The following RARB variants were observed in gnomAD, a reference collection of about 807,000 sequenced individuals.
RARB encodes HBV-activated protein.
In RARB, 17 loss-of-function variants were observed where a neutral mutation model predicts 51.9. The observed-to-expected ratio is 0.33, with a 90% CI of 0.22 to 0.49. RARB has a LOEUF of 0.49. RARB is among the 20% of genes least tolerant of loss of function. The pLI, the probability that RARB is intolerant of heterozygous loss-of-function variation, is 0.99. For synonymous variants in RARB, 215 were observed against 195.4 expected, an observed-to-expected ratio of 1.10 and a Z score of -0.84; for missense variants, 369 against 550.8, an observed-to-expected ratio of 0.67 and a Z score of 3.30.
At chr3:24,843,760 C>T (rs1702449435) in intron 1 of RARB, among the ~76,000 whole-genome samples, 1 of 152,088 alleles carries the variant, frequency 6.6e-6, no homozygotes, top group Non-Finnish European at 1.5e-5. Flanking sequence ...AACAAGATAC[C>T]CAGGTAATTC....
At chr3:25,423,634 A>G (rs1434760896), upstream of RARB, among the ~76,000 whole-genome samples, 1 of 152,234 alleles carries the variant, frequency 6.6e-6, no homozygotes, top group African/African-American at 2.4e-5. Flanking sequence ...TTCACTTTAT[A>G]TCTTTTGGAC....
intron 3 of RARB, among the ~76,000 whole-genome samples, chr3:25,515,769 T>C (rs1698133656): frequency 6.6e-6 from 1 of 152,134 alleles, no homozygotes; most frequent in African/African-American, 2.4e-5. Context: ...AGGTATTGAC[T>C]CAAAAGAGCC....
chr3:25,055,397 C>T (rs2125301503), intron 2 of RARB, among the ~76,000 whole-genome samples: 2 of 152,202 alleles, frequency 1.3e-5, no homozygotes, highest in Middle Eastern at 6.8e-3. Flanking sequence ...GCATCATTGT[C>T]TAACTGATTT....
intron 2 of RARB, among the ~76,000 whole-genome samples, chr3:25,491,392 G>T (rs1304817996): frequency 6.6e-6 from 1 of 152,076 alleles, no homozygotes; most frequent in Non-Finnish European, 1.5e-5. Context: ...TTTCTCAGAG[G>T]CATCCCAAGG....
intron 5 of RARB, among the ~76,000 whole-genome samples, chr3:25,406,850 C>A (rs1377830184): frequency 6.6e-6 from 1 of 152,128 alleles, no homozygotes; most frequent in Non-Finnish European, 1.5e-5. Flanking sequence ...ATTGCCTCAA[C>A]CCAGGGTGAA....
At chr3:24,957,202 C>T (rs1000978350) in intron 2 of RARB, among the ~76,000 whole-genome samples, 1 of 152,130 alleles carries the variant, frequency 6.6e-6, no homozygotes, top group Non-Finnish European at 1.5e-5. Flanking sequence ...ACCACAGAAT[C>T]CAACACAGAA....
At chr3:25,315,008 C>T (rs974432353) in intron 5 of RARB, among the ~76,000 whole-genome samples, 8 of 152,228 alleles carry the variant, frequency 5.3e-5, no homozygotes, top group African/African-American at 1.7e-4. Context: ...CCTCCAGCTA[C>T]ATCCATGTTG....
At chr3:25,568,220 A>T (rs987924622) in intron 3 of RARB, among the ~76,000 whole-genome samples, 1 of 152,000 alleles carries the variant, frequency 6.6e-6, no homozygotes, top group Non-Finnish European at 1.5e-5. Flanking sequence ...TTCTCTTCAG[A>T]CCTGTTGGTT....
intron 2 of RARB, among the ~76,000 whole-genome samples, chr3:24,908,228 A>G (rs952486755): frequency 6.6e-6 from 1 of 152,174 alleles, no homozygotes; most frequent in Non-Finnish European, 1.5e-5. Flanking sequence ...TTATTGTTAG[A>G]GTGATTGATT....
At chr3:25,412,457 A>G (rs1049277786) in intron 5 of RARB, among the ~76,000 whole-genome samples, 2 of 152,162 alleles carry the variant, frequency 1.3e-5, no homozygotes, top group Non-Finnish European at 2.9e-5. Context: ...CCAGCCCCCA[A>G]TATCTGACCT....
At chr3:25,479,240 T>C (rs534427372) in intron 2 of RARB, among the ~76,000 whole-genome samples, 36 of 152,022 alleles carry the variant, frequency 2.4e-4, no homozygotes, top group African/African-American at 7.2e-4. Context: ...TATGCAGGGG[T>C]ATTTACTTAA....
chr3:24,927,247 C>A (rs1695339233), intron 2 of RARB, among the ~76,000 whole-genome samples: 1 of 151,980 alleles, frequency 6.6e-6, no homozygotes, highest in Non-Finnish European at 1.5e-5. Flanking sequence ...ATTTCCATGC[C>A]ACAGCTTAAC....
At chr3:25,041,942 A>G (rs1388595328) in intron 2 of RARB, among the ~76,000 whole-genome samples, 3 of 152,184 alleles carry the variant, frequency 2.0e-5, no homozygotes, top group African/African-American at 7.2e-5. Context: ...TTGATGTTGC[A>G]GTTAAAGCTT....
chr3:24,938,143 A>G (rs2125398073), intron 2 of RARB, among the ~76,000 whole-genome samples: 1 of 152,304 alleles, frequency 6.6e-6, no homozygotes, highest in Non-Finnish European at 1.5e-5. Context: ...GGCTGGGCCA[A>G]TGGTAAGATG....
intron 5 of RARB, among the ~76,000 whole-genome samples, chr3:25,257,413 A>C (rs1197735412): frequency 1.3e-5 from 2 of 152,052 alleles, no homozygotes; most frequent in Admixed American, 1.3e-4. Flanking sequence ...ACTCATAGAG[A>C]TGTAATAATT....
chr3:25,223,203 T>A (rs939322960), intron 5 of RARB, among the ~76,000 whole-genome samples: 1 of 152,224 alleles, frequency 6.6e-6, no homozygotes, highest in Non-Finnish European at 1.5e-5. Flanking sequence ...TCAGTTCCTT[T>A]CTGTCACTCT....
chr3:25,117,796 A>AAAATACACC (rs1449781529), intron 3 of RARB, among the ~76,000 whole-genome samples: 1 of 152,190 alleles, frequency 6.6e-6, no homozygotes, highest in Non-Finnish European at 1.5e-5. Context: ...AAAATACACC[A>AAAATACACC]AAGAAATTAA....
At chr3:24,862,519 A>C (rs1702770748) in intron 2 of RARB, among the ~76,000 whole-genome samples, 2 of 152,202 alleles carry the variant, frequency 1.3e-5, no homozygotes, top group African/African-American at 4.8e-5. Context: ...TGTGATTCTT[A>C]GTATCACAAT....
intron 5 of RARB, among the ~76,000 whole-genome samples, chr3:25,235,975 A>G (rs1157165175): frequency 6.6e-6 from 1 of 152,152 alleles, no homozygotes; most frequent in Non-Finnish European, 1.5e-5. Context: ...ATCTCTAGAT[A>G]CTTTATAAGA....
Sources: allele counts gnomAD v4.1 joint callset (sites outside exome capture counted in the v4.1 genomes callset), GRCh38; gene constraint gnomAD v4.1.1; transcripts MANE v1.5; gene names NCBI Gene and HGNC (gene_info 2026-07-23, HGNC 2026-07-21).